PIKFYVE: variants seen among roughly 807,000 people sequenced by gnomAD.
PIKFYVE encodes phosphoinositide kinase, FYVE-type zinc finger containing, also known as 1-phosphatidylinositol 3-phosphate 5-kinase.
A neutral mutation model predicts 257.9 loss-of-function variants in PIKFYVE; 122 were observed. The ratio of observed to expected loss-of-function variants is 0.47; its 90% CI spans 0.41 to 0.55. The LOEUF (loss-of-function observed/expected upper bound fraction) is 0.55, where lower values mean the gene tolerates loss of function less well. Among genes scored for constraint, PIKFYVE ranks in the 20% least tolerant of loss-of-function variants. PIKFYVE has a pLI of 0.00. For missense variants in PIKFYVE, 2,160 were observed against 2,536.6 expected, an observed-to-expected ratio of 0.85 and a Z score of 3.19; for synonymous variants, 892 against 868.9, an observed-to-expected ratio of 1.03 and a Z score of -0.47.
At chr2:208,299,579 C>T (rs529886392) in intron 8 of PIKFYVE, among the ~76,000 whole-genome samples, 9 of 152,154 alleles carry the variant, frequency 5.9e-5, no homozygotes, top group East Asian at 1.9e-4. Flanking sequence ...TGAGCCACCG[C>T]GCCTGGCCAG....
chr2:208,290,904 G>A (rs978648288), intron 7 of PIKFYVE, among the ~76,000 whole-genome samples: 4 of 152,110 alleles, frequency 2.6e-5, no homozygotes, highest in African/African-American at 4.8e-5. Flanking sequence ...TCAGGAGTTC[G>A]TTAGTTCTTT....
intron 12 of PIKFYVE, among the ~76,000 whole-genome samples, chr2:208,310,888 T>C (rs1031602108): frequency 3.3e-5 from 5 of 152,202 alleles, no homozygotes; most frequent in African/African-American, 1.2e-4. Flanking sequence ...GAGTATGGGC[T>C]AATTCTGTGC....
At chr2:208,333,809 A>G (rs1344267478) in intron 24 of PIKFYVE, among the ~76,000 whole-genome samples, 1 of 152,104 alleles carries the variant, frequency 6.6e-6, no homozygotes, top group Non-Finnish European at 1.5e-5. Flanking sequence ...AAAAGTTTTA[A>G]TATAGAAATT....
intron 7 of PIKFYVE, among the ~76,000 whole-genome samples, chr2:208,289,991 A>G (rs1440398300): frequency 6.6e-6 from 1 of 152,188 alleles, no homozygotes; most frequent in Non-Finnish European, 1.5e-5. Flanking sequence ...TTTAAGGTTC[A>G]TACAAAAAAT....
In PIKFYVE at chr2:208,305,120, G is replaced by A. The variant is rs75383826; in HGVS notation, c.1636+107G>A. 1,425 of 1,563,228 alleles carry A rather than the reference G, an allele frequency of 9.1e-4. 32 individuals are homozygous for A. In the East Asian group the frequency reaches 0.031, roughly 34 times the overall value. ...CTTCCTCTGTCCCACGTGGCTGAGG[G>A]TATTTGGTGTGGGTTTTGTTCTACC... On this transcript the variant is annotated intron_variant, in intron 12 of 41. Coordinates refer to ENST00000264380, the MANE Select transcript of PIKFYVE (RefSeq NM_015040.4).
intron 38 of PIKFYVE, 33 bp downstream of exon 38, chr2:208,351,488 G>T (rs1429810765): frequency 6.5e-7 from 1 of 1,527,786 alleles, no homozygotes; most frequent in East Asian, 2.3e-5. Context: ...TGTAATCAAA[G>T]TTTGGTGGCT....
intron 22 of PIKFYVE, 56 bp downstream of exon 22, chr2:208,329,969 C>T: frequency 4.4e-6 from 7 of 1,593,342 alleles, no homozygotes; most frequent in Non-Finnish European, 5.1e-6. Flanking sequence ...CTCAAAATTT[C>T]AAGCTAAAAC....
chr2:208,289,181 C>T (rs1691972975), intron 7 of PIKFYVE, among the ~76,000 whole-genome samples: 1 of 152,054 alleles, frequency 6.6e-6, no homozygotes, highest in Admixed American at 6.6e-5. Context: ...AACAAGGAAT[C>T]CTATGATAAT....
chr2:208,312,443 T>C, intron 13 of PIKFYVE, 148 bp downstream of exon 13: 1 of 674,534 alleles, frequency 1.5e-6, no homozygotes, highest in South Asian at 1.8e-5. Context: ...TTAATATATA[T>C]AATGATTTAG....
intron 8 of PIKFYVE, 65 bp downstream of exon 8, chr2:208,298,844 T>A (rs1693318071): frequency 6.3e-7 from 1 of 1,583,730 alleles, no homozygotes; most frequent in East Asian, 2.3e-5. Context: ...TGTGACTGAG[T>A]CTTTTTTTTT....
chr2:208,321,560 TTTTTC>T (rs200317701), intron 17 of PIKFYVE, among the ~76,000 whole-genome samples: 1 of 16,188 alleles, frequency 6.2e-5, no homozygotes, highest in African/African-American at 9.6e-5. Flanking sequence ...TTCTTTTTTC[TTTTTC>T]TTTTCTTTTG....
At chr2:208,274,764 T>C (rs1287204130) in intron 3 of PIKFYVE, among the ~76,000 whole-genome samples, 2 of 152,106 alleles carry the variant, frequency 1.3e-5, no homozygotes, top group Non-Finnish European at 2.9e-5. Flanking sequence ...AGATAATCTC[T>C]ATTTTAACTT....
At chr2:208,348,599 A>AAGTGT (rs559057437) in intron 35 of PIKFYVE, among the ~76,000 whole-genome samples, 33 of 128,996 alleles carry the variant, frequency 2.6e-4, no homozygotes, top group South Asian at 5.4e-4. Context: ...AAAAAAAAAA[A>AAGTGT]GTGTGTGTGT....
At chr2:208,349,159 TCAAA>T (rs1699524324) in intron 35 of PIKFYVE, among the ~76,000 whole-genome samples, 1 of 152,104 alleles carries the variant, frequency 6.6e-6, no homozygotes, top group African/African-American at 2.4e-5. Context: ...AGACTCTATC[TCAAA>T]CAAACAAAAA....
intron 6 of PIKFYVE, among the ~76,000 whole-genome samples, chr2:208,286,355 A>G (rs1441905871): frequency 1.3e-5 from 2 of 152,150 alleles, no homozygotes; most frequent in Non-Finnish European, 2.9e-5. Context: ...TTTCCAAGTG[A>G]AATTAGATTT....
At chr2:208,266,475 T>C (rs932320032) in intron 1 of PIKFYVE, 60 bp downstream of exon 1, 1 of 152,228 alleles carries the variant, frequency 6.6e-6, no homozygotes, top group Non-Finnish European at 1.5e-5. Context: ...GAGGCCGGTA[T>C]GGGGAGCTCC....
chr2:208,351,384 C>T lies in PIKFYVE; in HGVS notation c.5644C>T (p.Leu1882=). 6.2e-7 allele frequency: 1 copy of T among 1,613,878 alleles called. No homozygotes were observed. The highest frequency in any genetic ancestry group is 8.5e-7 in the Non-Finnish European group (1 of 1,179,750). ...DRFILKQMPR[L]EVQSFLDFAP... ...ATTTATTTTGAAGCAAATGCCTCGT[C>T]TGGAAGTCCAGTCCTTCCTCGACTT... Residue 1882 remains leucine, a synonymous_variant, in exon 38 of 42, where the codon CTG becomes TTG. Coordinates refer to ENST00000264380, the MANE Select transcript of PIKFYVE (RefSeq NM_015040.4).
chr2:208,276,884 C>G (rs895637934), intron 4 of PIKFYVE, 54 bp downstream of exon 4: 11 of 1,427,922 alleles, frequency 7.7e-6, no homozygotes, highest in Non-Finnish European at 1.1e-5. Context: ...GGGGATCATG[C>G]CATACCTAAT....
At chr2:208,326,696 G>A (rs1470239828) in intron 20 of PIKFYVE, among the ~76,000 whole-genome samples, 2 of 152,138 alleles carry the variant, frequency 1.3e-5, no homozygotes, top group Non-Finnish European at 2.9e-5. Context: ...GGGGAAATGT[G>A]GAGCTGCTTA....
Sources: gnomAD v4.1 joint callset for allele counts (sites outside exome capture counted in the v4.1 genomes callset) on GRCh38, gnomAD v4.1.1 for gene constraint, MANE v1.5 for transcripts, NCBI Gene and HGNC (gene_info 2026-07-23, HGNC 2026-07-21) for gene names.